Variants in KIF26B observed in about 807,000 individuals in gnomAD.
KIF26B encodes kinesin family member 26B.
In KIF26B, 63 loss-of-function variants were observed where a neutral mutation model predicts 151.2. The ratio of observed to expected loss-of-function variants is 0.42; its 90% CI spans 0.34 to 0.51. The LOEUF (loss-of-function observed/expected upper bound fraction) is 0.51. Among genes scored for constraint, KIF26B ranks in the 20% least tolerant of loss-of-function variants. The pLI is 0.07. For synonymous variants in KIF26B, 1,357 were observed against 1,262.1 expected (o/e 1.08, Z -1.59); for missense variants, 2,813 against 2,913.6 (o/e 0.97, Z 0.79).
chr1:245,468,902 C>T (rs894080279), intron 4 of KIF26B, among the ~76,000 whole-genome samples: 2 of 152,178 alleles, frequency 1.3e-5, no homozygotes, highest in Non-Finnish European at 2.9e-5. Flanking sequence ...GCAAGTGAAA[C>T]TACTTGCTAA....
At chr1:245,586,848 T>G (rs1446512937) in intron 5 of KIF26B, among the ~76,000 whole-genome samples, 1 of 146,860 alleles carries the variant, frequency 6.8e-6, no homozygotes, top group Admixed American at 6.9e-5. Flanking sequence ...ATTGCGCCAC[T>G]GCAGTCCGCA....
At chr1:245,492,602 A>G (rs1470815691) in intron 4 of KIF26B, among the ~76,000 whole-genome samples, 1 of 152,218 alleles carries the variant, frequency 6.6e-6, no homozygotes, top group Non-Finnish European at 1.5e-5. Flanking sequence ...TGGCCACCGA[A>G]GTTTTGCATC....
intron 4 of KIF26B, among the ~76,000 whole-genome samples, chr1:245,422,290 A>G (rs1306800470): frequency 6.6e-6 from 1 of 151,604 alleles, no homozygotes; most frequent in African/African-American, 2.4e-5. Flanking sequence ...TTTCCCCCCC[A>G]CCCTTTACTC....
intron 4 of KIF26B, among the ~76,000 whole-genome samples, chr1:245,523,167 G>A (rs145688214): frequency 6.6e-6 from 1 of 152,150 alleles, no homozygotes; most frequent in Non-Finnish European, 1.5e-5. Context: ...CACACAGTTG[G>A]CTTCGCATCC....
chr1:245,224,211 G>T (rs1669830228), intron 2 of KIF26B, among the ~76,000 whole-genome samples: 1 of 152,076 alleles, frequency 6.6e-6, no homozygotes, highest in African/African-American at 2.4e-5. Flanking sequence ...CTTGAACCTG[G>T]GAGGCGGAGG....
At chr1:245,436,354 A>C (rs1658932017) in intron 4 of KIF26B, among the ~76,000 whole-genome samples, 1 of 152,110 alleles carries the variant, frequency 6.6e-6, no homozygotes, top group South Asian at 2.1e-4. Context: ...AGGTACCTAC[A>C]CAACACCCTG....
At chr1:245,537,353 G>A (rs1265017341) in intron 4 of KIF26B, among the ~76,000 whole-genome samples, 2 of 152,166 alleles carry the variant, frequency 1.3e-5, no homozygotes, top group Non-Finnish European at 2.9e-5. Flanking sequence ...GGGGGGAAGG[G>A]ACAGACCACG....
chr1:245,482,378 A>G (rs566604547), intron 4 of KIF26B, among the ~76,000 whole-genome samples: 3 of 151,838 alleles, frequency 2.0e-5, no homozygotes, highest in Non-Finnish European at 4.4e-5. Flanking sequence ...ATGAGCCACC[A>G]TGCCTGGTCA....
At chr1:245,163,603 A>G (rs919810915) in intron 2 of KIF26B, among the ~76,000 whole-genome samples, 1 of 151,702 alleles carries the variant, frequency 6.6e-6, no homozygotes, top group Admixed American at 6.6e-5. Context: ...AACCTGGGGG[A>G]ATAGTTGGCA....
chr1:245,501,340 A>G (rs567542567), intron 4 of KIF26B, among the ~76,000 whole-genome samples: 7 of 152,224 alleles, frequency 4.6e-5, no homozygotes, highest in Non-Finnish European at 1.0e-4. Context: ...TGAGGGTTAA[A>G]TAAGTTGATA....
chr1:245,645,946 C>CA (rs1251066643), intron 9 of KIF26B, 175 bp from the exon 10 acceptor site: 1 of 612,758 alleles, frequency 1.6e-6, no homozygotes, highest in African/African-American at 1.8e-5. Context: ...TTAAGAGGAC[C>CA]AATGCTATTT....
chr1:245,545,980 A>T (rs1661732076), intron 5 of KIF26B, among the ~76,000 whole-genome samples: 1 of 152,174 alleles, frequency 6.6e-6, no homozygotes, highest in South Asian at 2.1e-4. Flanking sequence ...TGGTGCATCA[A>T]CATTTTTAAA....
chr1:245,266,698 G>A (rs1332425182), intron 2 of KIF26B, among the ~76,000 whole-genome samples: 2 of 152,028 alleles, frequency 1.3e-5, no homozygotes, highest in Admixed American at 1.3e-4. Context: ...GTAGGGACGG[G>A]GTTTCACCAT....
chr1:245,550,167 A>G (rs1661844319), intron 5 of KIF26B, among the ~76,000 whole-genome samples: 1 of 152,166 alleles, frequency 6.6e-6, no homozygotes. Flanking sequence ...CTGTGCCACA[A>G]CCAAAGATTC....
At chr1:245,582,258 C>G (rs2043183052) in intron 5 of KIF26B, among the ~76,000 whole-genome samples, 1 of 152,192 alleles carries the variant, frequency 6.6e-6, no homozygotes, top group Non-Finnish European at 1.5e-5. Context: ...GTTCCTCACT[C>G]TGTCAATAAA....
intron 2 of KIF26B, among the ~76,000 whole-genome samples, chr1:245,221,132 T>C (rs1051743996): frequency 2.0e-5 from 3 of 152,192 alleles, no homozygotes; most frequent in Admixed American, 6.5e-5. Context: ...AGTTTTTTTT[T>C]CTCCCTCTCC....
intron 9 of KIF26B, among the ~76,000 whole-genome samples, chr1:245,639,427 T>G (rs1464516542): frequency 6.6e-6 from 1 of 151,842 alleles, no homozygotes; most frequent in African/African-American, 2.4e-5. Context: ...CTTTTTATTT[T>G]GTTGGGGTTT....
At chr1:245,301,779 T>A (rs747940512) in intron 2 of KIF26B, among the ~76,000 whole-genome samples, 1 of 152,224 alleles carries the variant, frequency 6.6e-6, no homozygotes, top group Admixed American at 6.5e-5. Context: ...AAAAGCTCAA[T>A]TGGATCTCAA....
intron 3 of KIF26B, among the ~76,000 whole-genome samples, chr1:245,388,410 G>T (rs1338715346): frequency 6.6e-6 from 1 of 152,178 alleles, no homozygotes; most frequent in Non-Finnish European, 1.5e-5. Context: ...AGCAAAAGCC[G>T]CTACTTGCAA....
Sources: allele counts gnomAD v4.1 joint callset (sites outside exome capture counted in the v4.1 genomes callset), GRCh38; gene constraint gnomAD v4.1.1; transcripts MANE v1.5; gene names NCBI Gene and HGNC (gene_info 2026-07-23, HGNC 2026-07-21).